The following MAP3K5 variants were observed in gnomAD, a reference collection of about 807,000 sequenced individuals.
The protein encoded by MAP3K5 is ASK-1.
A neutral mutation model predicts 158.7 loss-of-function variants in MAP3K5; 56 were observed. The ratio of observed to expected loss-of-function variants is 0.35; its 90% CI spans 0.28 to 0.44. The LOEUF is 0.44. Among genes scored for constraint, MAP3K5 ranks in the 20% least tolerant of loss-of-function variants. The probability of loss-of-function intolerance (pLI) is 1.00; values close to 1 mark genes in which losing one functional copy is unlikely to be tolerated. For missense variants in MAP3K5, 1,294 were observed against 1,674.8 expected (o/e 0.77, Z 3.97); for synonymous variants, 579 against 601.7 (o/e 0.96, Z 0.55).
intron 1 of MAP3K5, among the ~76,000 whole-genome samples, chr6:136,724,623 C>A (rs1294500733): frequency 1.3e-5 from 2 of 152,068 alleles, no homozygotes; most frequent in African/African-American, 4.8e-5. Flanking sequence ...GGAACAGATC[C>A]ATTTCTGGAT....
intron 14 of MAP3K5, among the ~76,000 whole-genome samples, chr6:136,633,498 C>G (rs1777476973): frequency 6.6e-6 from 1 of 151,732 alleles, no homozygotes; most frequent in African/African-American, 2.4e-5. Flanking sequence ...GGAGTATGAA[C>G]TTTGTCTGGG....
At position 136,792,444 on chromosome 6, in the gene MAP3K5, G is replaced by A; in HGVS notation, c.-287C>T. ...AGCCGGGTGAGCGGGAAGGGACGGA[G>A]CTTCCTTTTCTTGGCCGGCTGACAA... On this transcript the variant is annotated 5_prime_UTR_variant, in exon 1 of 30. Coordinates refer to ENST00000359015, the MANE Select transcript of MAP3K5 (RefSeq NM_005923.4). The surrounding 1 kb of genome is among the most constrained non-coding windows in gnomAD (Gnocchi z 5.7). The A allele has an allele frequency of 1.1e-6, 1 of 930,182 alleles. No homozygotes were observed. The highest frequency in any genetic ancestry group is 1.3e-6 in the Non-Finnish European group (1 of 779,890). 57.6% of individuals were successfully genotyped at this position (930,182 alleles called of 1,614,324 possible).
chr6:136,771,679 G>A (rs1784205145), intron 1 of MAP3K5, among the ~76,000 whole-genome samples: 1 of 152,140 alleles, frequency 6.6e-6, no homozygotes, highest in Admixed American at 6.6e-5. Context: ...CTGTAACACT[G>A]CCTCTTCAAT....
At chr6:136,657,030 G>A (rs901738915) in intron 9 of MAP3K5, among the ~76,000 whole-genome samples, 1 of 152,134 alleles carries the variant, frequency 6.6e-6, no homozygotes, top group African/African-American at 2.4e-5. Context: ...TGGTAACTTG[G>A]ACTAGGGCCA....
At chr6:136,560,837 T>A (rs1466727505) in intron 28 of MAP3K5, among the ~76,000 whole-genome samples, 1 of 151,476 alleles carries the variant, frequency 6.6e-6, no homozygotes, top group Non-Finnish European at 1.5e-5. Context: ...GTCCCAACTA[T>A]TCAGGAGGCT....
chr6:136,703,325 C>A (rs1780932874), intron 3 of MAP3K5, among the ~76,000 whole-genome samples: 1 of 152,224 alleles, frequency 6.6e-6, no homozygotes, highest in African/African-American at 2.4e-5. Flanking sequence ...CTTCTTTCTG[C>A]CATTCCGGTC....
chr6:136,768,041 T>C (rs1323228033), intron 1 of MAP3K5, among the ~76,000 whole-genome samples: 3 of 152,168 alleles, frequency 2.0e-5, no homozygotes, highest in Non-Finnish European at 2.9e-5. Flanking sequence ...ACTCACATGA[T>C]AGATAAAAAT....
In MAP3K5 at chr6:136,762,263, G is replaced by A. The variant is rs117092317; in HGVS notation, c.448+29447C>T. Among the ~76,000 whole-genome samples the A allele has an allele frequency of 3.7e-3, 558 of 152,298 alleles. 17 individuals are homozygous for A. In the South Asian group the frequency reaches 0.052, roughly 14 times the overall value. On this transcript the variant is annotated intron_variant, in intron 1 of 29. Coordinates refer to ENST00000359015, the MANE Select transcript of MAP3K5 (RefSeq NM_005923.4). ...ACAGAGAGGTAAATGGGAAGGGAGA[G>A]GGTATGGGAATGAGCACACAGAAAA...
Position 136,592,248 on chromosome 6 carries a change from C to T in MAP3K5, c.3150G>A (p.Arg1050=), listed in dbSNP as rs201816943. Residue 1050 remains arginine (R), a synonymous_variant, in exon 23 of 30, where the codon AGG becomes AGA. Coordinates refer to ENST00000359015, the MANE Select transcript of MAP3K5 (RefSeq NM_005923.4). ...GFFMLRKDSE[R]RATLHRILTE... Reference sequence around the variant, plus strand: ...TCAGGATCCTGTGAAGGGTAGCTCGCCTCTCACTGTCCTTCCTCAGCATGA... The same window carrying T: ...TCAGGATCCTGTGAAGGGTAGCTCGTCTCTCACTGTCCTTCCTCAGCATGA... 5.0e-6 allele frequency: 8 copies of T among 1,612,586 alleles called. No homozygotes were observed. In the Admixed American group the frequency reaches 1.2e-4, roughly 24 times the overall value.
At chr6:136,646,391 C>T (rs1163460804) in intron 11 of MAP3K5, among the ~76,000 whole-genome samples, 1 of 152,126 alleles carries the variant, frequency 6.6e-6, no homozygotes, top group Non-Finnish European at 1.5e-5. Context: ...TGTCACAAAA[C>T]ATAAGAGAAT....
At chr6:136,749,554 G>A (rs1418766486) in intron 1 of MAP3K5, among the ~76,000 whole-genome samples, 1 of 151,532 alleles carries the variant, frequency 6.6e-6, no homozygotes, top group African/African-American at 2.4e-5. Context: ...ATGCTCATCA[G>A]CACCTAGGGA....
rs1421586988 is a variant in MAP3K5 at position 136,611,345 on chromosome 6, T to C, written c.2458A>G (p.Ile820Val). The C allele has an allele frequency of 1.2e-6, 2 of 1,613,154 alleles. No individual in the cohort carries two copies. The highest frequency in any genetic ancestry group is 1.7e-6 in the Non-Finnish European group (2 of 1,179,346). ...CTCTTTGATGTTCCGAAGTCAGAGA[T>C]CTTGAGAACACCACTGTAGGTATTA... ...LINTYSGVLKISDFGTSKRLA... is the reference protein window; with the variant it reads ...LINTYSGVLKVSDFGTSKRLA... The change falls in exon 18 of 30, where the codon ATC becomes GTC. Residue 820 changes from isoleucine to valine, a missense_variant. By Grantham distance (29) the Ile-to-Val change is conservative. Coordinates refer to ENST00000359015, the MANE Select transcript of MAP3K5 (RefSeq NM_005923.4).
chr6:136,777,434 C>T (rs1293915892), intron 1 of MAP3K5, among the ~76,000 whole-genome samples: 2 of 152,124 alleles, frequency 1.3e-5, no homozygotes. Flanking sequence ...CAGCTCACTG[C>T]AGCCTGAAAA....
At chr6:136,735,762 A>G (rs578134242) in intron 1 of MAP3K5, among the ~76,000 whole-genome samples, 1 of 152,262 alleles carries the variant, frequency 6.6e-6, no homozygotes, top group South Asian at 2.1e-4. Context: ...CCGGGAGTTC[A>G]AGGTTACAGT....
chr6:136,776,321 G>A (rs1024208415), intron 1 of MAP3K5, among the ~76,000 whole-genome samples: 1 of 152,126 alleles, frequency 6.6e-6, no homozygotes, highest in Admixed American at 6.5e-5. Flanking sequence ...ATGGCTCACT[G>A]CAGCCTCTGC....
intron 1 of MAP3K5, among the ~76,000 whole-genome samples, chr6:136,743,984 G>C (rs1782823586): frequency 6.6e-6 from 1 of 152,160 alleles, no homozygotes; most frequent in Admixed American, 6.5e-5. Flanking sequence ...AAAAGCAAAA[G>C]GATAAGTGGT....
At chr6:136,627,901 G>A (rs1377403486) in intron 14 of MAP3K5, among the ~76,000 whole-genome samples, 1 of 152,134 alleles carries the variant, frequency 6.6e-6, no homozygotes, top group Admixed American at 6.5e-5. Context: ...TGAGCTCTTC[G>A]AGACTTGGGA....
intron 26 of MAP3K5, among the ~76,000 whole-genome samples, chr6:136,563,105 G>C (rs932960797): frequency 2.0e-5 from 3 of 152,062 alleles, no homozygotes; most frequent in African/African-American, 7.2e-5. Flanking sequence ...TGAGCTCCCA[G>C]ATGACACTGA....
chr6:136,788,378 T>A (rs1784932176), intron 1 of MAP3K5, among the ~76,000 whole-genome samples: 1 of 152,182 alleles, frequency 6.6e-6, no homozygotes, highest in Non-Finnish European at 1.5e-5. Context: ...AAAGAATTTA[T>A]GACTAAGTCC....
Sources: allele counts gnomAD v4.1 joint callset (sites outside exome capture counted in the v4.1 genomes callset), GRCh38; gene constraint gnomAD v4.1.1; non-coding constraint Gnocchi (gnomAD v3.1); transcripts MANE v1.5; gene names NCBI Gene and HGNC (gene_info 2026-07-23, HGNC 2026-07-21).